KCNMA1: variants seen among roughly 807,000 people sequenced by gnomAD.
KCNMA1 encodes potassium calcium-activated channel subfamily M alpha 1.
In KCNMA1, 29 loss-of-function variants were observed where a neutral mutation model predicts 140.0. That is an observed-to-expected ratio of 0.21 (90% CI 0.15 to 0.28). The LOEUF is 0.28. Ranked by LOEUF, KCNMA1 falls within the 10% of genes least tolerant of loss-of-function variation. The pLI is 1.00. For synonymous variants in KCNMA1, 612 were observed against 611.9 expected, an observed-to-expected ratio of 1.00 and a Z score of 0.00; for missense variants, 880 against 1,602.2, an observed-to-expected ratio of 0.55 and a Z score of 7.70.
At chr10:77,537,787 A>C (rs1041979137) in intron 1 of KCNMA1, among the ~76,000 whole-genome samples, 1 of 151,888 alleles carries the variant, frequency 6.6e-6, no homozygotes, top group Non-Finnish European at 1.5e-5. Context: ...TCGTCACCCA[A>C]ATCATCACAG....
chr10:77,025,524 G>A (rs1183057034), intron 16 of KCNMA1: 2 of 1,266,398 alleles, frequency 1.6e-6, no homozygotes, highest in Non-Finnish European at 2.3e-6. Flanking sequence ...ACACCAGAAG[G>A]AAAGAAGGAA....
intron 2 of KCNMA1, among the ~76,000 whole-genome samples, chr10:77,386,888 C>G (rs2095621192): frequency 6.6e-6 from 1 of 152,078 alleles, no homozygotes. Flanking sequence ...AGAGAAAGAA[C>G]ATTAAGGGAG....
intron 1 of KCNMA1, among the ~76,000 whole-genome samples, chr10:77,496,148 T>A (rs1362510428): frequency 1.3e-5 from 2 of 152,162 alleles, no homozygotes; most frequent in Non-Finnish European, 2.9e-5. Context: ...CCATACAGCC[T>A]GGCCCTCCCT....
At chr10:77,616,851 G>T (rs566880927) in intron 1 of KCNMA1, among the ~76,000 whole-genome samples, 1 of 151,776 alleles carries the variant, frequency 6.6e-6, no homozygotes, top group Non-Finnish European at 1.5e-5. Context: ...GTTTGAGGGC[G>T]TTTTCAGTAT....
intron 1 of KCNMA1, among the ~76,000 whole-genome samples, chr10:77,417,877 A>G (rs2096777922): frequency 6.6e-6 from 1 of 152,214 alleles, no homozygotes. Flanking sequence ...TTTGGGAGGC[A>G]GAAAGATGGC....
At chr10:77,589,978 T>C (rs1165537660) in intron 1 of KCNMA1, among the ~76,000 whole-genome samples, 2 of 152,168 alleles carry the variant, frequency 1.3e-5, no homozygotes, top group African/African-American at 4.8e-5. Flanking sequence ...GACAGGGTGC[T>C]GATTGGTGCG....
chr10:77,196,941 T>G (rs143985149), intron 3 of KCNMA1, among the ~76,000 whole-genome samples: 4 of 152,192 alleles, frequency 2.6e-5, no homozygotes, highest in African/African-American at 4.8e-5. Context: ...AAAAGTCCAT[T>G]CTGAGAATAC....
chr10:77,578,963 C>A (rs971714934), intron 1 of KCNMA1, among the ~76,000 whole-genome samples: 1 of 152,242 alleles, frequency 6.6e-6, no homozygotes, highest in African/African-American at 2.4e-5. Flanking sequence ...GCCATTTTGG[C>A]CCCAGGCCTC....
rs138832155 is a variant in KCNMA1, at chr10:77,294,623, A to G, written c.541-43367T>C. Among the ~76,000 whole-genome samples, 343 of 152,324 alleles carry G rather than the reference A, an allele frequency of 2.3e-3. 2 individuals are homozygous for G. Among genetic ancestry groups the G allele is most frequent in the African/African-American group, 7.7e-3 (322 of 41,576 alleles). Reference sequence around the variant, plus strand: ...TTTATTACAGCACAAGATTAGAAACAATGTTACAATCAGGGCCAGGCACAG... The same window carrying G: ...TTTATTACAGCACAAGATTAGAAACGATGTTACAATCAGGGCCAGGCACAG... On this transcript the variant is annotated intron_variant, in intron 2 of 27. Transcript: ENST00000286628.
intron 2 of KCNMA1, among the ~76,000 whole-genome samples, chr10:77,374,841 A>T (rs1379412242): frequency 1.3e-5 from 2 of 152,146 alleles, no homozygotes; most frequent in African/African-American, 4.8e-5. Flanking sequence ...GAGTGCCCAC[A>T]TTTCACAACA....
chr10:77,599,008 C>A (rs990892992), intron 1 of KCNMA1, among the ~76,000 whole-genome samples: 1 of 152,240 alleles, frequency 6.6e-6, no homozygotes, highest in African/African-American at 2.4e-5. Flanking sequence ...GGCCAGGCCC[C>A]AGCTCAGCCT....
At chr10:77,171,380 C>G (rs995993821) in intron 5 of KCNMA1, among the ~76,000 whole-genome samples, 1 of 135,920 alleles carries the variant, frequency 7.4e-6, no homozygotes. Flanking sequence ...TCGGAAAGTA[C>G]GTGTGCGTGT....
intron 5 of KCNMA1, among the ~76,000 whole-genome samples, chr10:77,165,620 G>A (rs2154087186): frequency 6.6e-6 from 1 of 152,308 alleles, no homozygotes; most frequent in Admixed American, 6.5e-5. Flanking sequence ...GAGTCGGGCT[G>A]ACTTCCTCCT....
intron 1 of KCNMA1, among the ~76,000 whole-genome samples, chr10:77,557,489 T>C (rs115714180): frequency 1.9e-3 from 295 of 152,296 alleles, no homozygotes; most frequent in African/African-American, 6.7e-3. Flanking sequence ...TGAGAGAATC[T>C]TGGGCAGTGA....
chr10:77,550,739 T>A (rs2062624827), intron 1 of KCNMA1, among the ~76,000 whole-genome samples: 1 of 152,274 alleles, frequency 6.6e-6, no homozygotes, highest in Admixed American at 6.5e-5. Flanking sequence ...CAAGGTAGGA[T>A]GTTGACATAA....
At chr10:77,229,891 T>C (rs867663658) in intron 3 of KCNMA1, among the ~76,000 whole-genome samples, 1 of 152,312 alleles carries the variant, frequency 6.6e-6, no homozygotes, top group African/African-American at 2.4e-5. Flanking sequence ...GTTTAGTGAT[T>C]CATCAAAAAG....
At chr10:77,619,765 TG>T (rs2090820929) in intron 1 of KCNMA1, among the ~76,000 whole-genome samples, 1 of 152,106 alleles carries the variant, frequency 6.6e-6, no homozygotes, top group Admixed American at 6.5e-5. Flanking sequence ...ATCAGACGGC[TG>T]CTCCCCACCC....
At chr10:77,253,388 ATGGCATC>A (rs2060061989) in intron 2 of KCNMA1, among the ~76,000 whole-genome samples, 1 of 152,250 alleles carries the variant, frequency 6.6e-6, no homozygotes, top group Admixed American at 6.5e-5. Flanking sequence ...GCCCTTGCAA[ATGGCATC>A]TACATCATTC....
intron 2 of KCNMA1, among the ~76,000 whole-genome samples, chr10:77,326,249 T>C (rs1378085116): frequency 1.3e-5 from 2 of 152,192 alleles, no homozygotes; most frequent in Non-Finnish European, 2.9e-5. Flanking sequence ...AATCACTCTC[T>C]GGAGCTTAGC....
Sources: gnomAD v4.1 joint callset for allele counts (sites outside exome capture counted in the v4.1 genomes callset) on GRCh38, gnomAD v4.1.1 for gene constraint, MANE v1.5 for transcripts, NCBI Gene and HGNC (gene_info 2026-07-23, HGNC 2026-07-21) for gene names.